Variants in ADAMTS19 observed in about 807,000 individuals in gnomAD.
ADAMTS19 encodes A disintegrin and metalloproteinase with thrombospondin motifs 19.
ADAMTS19 carries 93 observed loss-of-function variants against 153.3 expected under a neutral mutation model. The observed-to-expected ratio is 0.61, with a 90% CI of 0.51 to 0.72. ADAMTS19 has a LOEUF of 0.72. Ranked by LOEUF, ADAMTS19 falls within the 30% of genes least tolerant of loss-of-function variation. The probability of loss-of-function intolerance (pLI) is 0.00; values close to 1 mark genes in which losing one functional copy is unlikely to be tolerated. For missense variants in ADAMTS19, 1,482 were observed against 1,552.1 expected, an observed-to-expected ratio of 0.95 and a Z score of 0.76; for synonymous variants, 600 against 556.6, an observed-to-expected ratio of 1.08 and a Z score of -1.10.
intron 10 of ADAMTS19, among the ~76,000 whole-genome samples, chr5:129,625,585 G>A (rs185295179): frequency 3.7e-4 from 56 of 152,196 alleles, no homozygotes; most frequent in Admixed American, 3.5e-3. Flanking sequence ...TCATTTCTCT[G>A]ATGGCCAGTG....
intron 15 of ADAMTS19, among the ~76,000 whole-genome samples, chr5:129,661,083 C>A (rs561816938): frequency 5.4e-4 from 82 of 152,266 alleles, no homozygotes; most frequent in African/African-American, 1.9e-3. Context: ...AATATCATTT[C>A]TTTAATGAAG....
At chr5:129,658,309 AAAAG>A (rs150048700) in intron 14 of ADAMTS19, among the ~76,000 whole-genome samples, 14,677 of 113,176 alleles carry the variant, frequency 0.13, 1,058 homozygotes, top group Middle Eastern at 0.16. Context: ...GAAAGAAAGA[AAAAG>A]AAAGAAAGAA....
chr5:129,715,558 G>C (rs892064409), intron 21 of ADAMTS19, among the ~76,000 whole-genome samples: 6 of 152,180 alleles, frequency 3.9e-5, no homozygotes, highest in African/African-American at 2.4e-5. Flanking sequence ...TTGAGTTTGA[G>C]AATTTTTTAT....
At chr5:129,578,182 A>G (rs1390484673) in intron 7 of ADAMTS19, among the ~76,000 whole-genome samples, 6 of 55,446 alleles carry the variant, frequency 1.1e-4, no homozygotes, top group Non-Finnish European at 1.5e-4. Context: ...ACCTATATGC[A>G]TGTATATGTA....
chr5:129,660,742 A>G (rs1457312014), intron 15 of ADAMTS19, among the ~76,000 whole-genome samples: 1 of 152,192 alleles, frequency 6.6e-6, no homozygotes, highest in Non-Finnish European at 1.5e-5. Flanking sequence ...AAATATCAGA[A>G]GTGCCTAAGA....
At position 129,680,158 on chromosome 5, in the gene ADAMTS19, A is replaced by G. The variant is rs147687046; in HGVS notation, c.2664+237A>G. ...GGGAATTTACAGATGCAAAGTACAG[A>G]TGGATGACAGGGAATCCAAAGAAAA... On this transcript the variant is annotated intron_variant, in intron 17 of 22. Coordinates refer to ENST00000274487, the MANE Select transcript of ADAMTS19 (RefSeq NM_133638.6). Among the ~76,000 whole-genome samples, 187 of 152,348 alleles carry G rather than the reference A, an allele frequency of 1.2e-3. 1 individual carries two copies. The highest frequency in any genetic ancestry group is 4.1e-3 in the African/African-American group (172 of 41,584).
intron 16 of ADAMTS19, among the ~76,000 whole-genome samples, chr5:129,678,334 C>T (rs566452694): frequency 7.9e-5 from 12 of 152,222 alleles, no homozygotes; most frequent in Admixed American, 4.6e-4. Context: ...CTAATTTTCT[C>T]AGTAAATAAC....
chr5:129,607,833 T>G (rs1581138404), intron 8 of ADAMTS19, among the ~76,000 whole-genome samples: 1 of 151,414 alleles, frequency 6.6e-6, no homozygotes, highest in Admixed American at 6.6e-5. Flanking sequence ...TTCTGTTAAT[T>G]CACAACAGGT....
chr5:129,623,313 CCTT>C (rs1248622189), intron 10 of ADAMTS19, among the ~76,000 whole-genome samples: 1 of 152,102 alleles, frequency 6.6e-6, no homozygotes, highest in East Asian at 1.9e-4. Context: ...GCTCTAGTAA[CCTT>C]TTTTTTTCTT....
chr5:129,607,529 T>G (rs1269212700), intron 8 of ADAMTS19, among the ~76,000 whole-genome samples: 1 of 152,200 alleles, frequency 6.6e-6, no homozygotes, highest in African/African-American at 2.4e-5. Flanking sequence ...AGAATCAGTT[T>G]GGGTCAAGGA....
intron 2 of ADAMTS19, among the ~76,000 whole-genome samples, chr5:129,465,028 C>T (rs1749805645): frequency 6.6e-6 from 1 of 152,102 alleles, no homozygotes; most frequent in African/African-American, 2.4e-5. Context: ...CCTAACTTGC[C>T]AGTTACCAAT....
chr5:129,643,364 A>C (rs1752894695), intron 11 of ADAMTS19, among the ~76,000 whole-genome samples: 1 of 140,030 alleles, frequency 7.1e-6, no homozygotes, highest in Non-Finnish European at 1.5e-5. Context: ...CTTGTTTCAA[A>C]GACAAAAAAA....
At chr5:129,631,040 C>T (rs988605458) in intron 10 of ADAMTS19, among the ~76,000 whole-genome samples, 2 of 151,592 alleles carry the variant, frequency 1.3e-5, no homozygotes, top group Non-Finnish European at 2.9e-5. Context: ...TTTGCATATA[C>T]ATTGCAATGT....
intron 15 of ADAMTS19, among the ~76,000 whole-genome samples, chr5:129,660,812 C>A (rs1753785955): frequency 6.6e-6 from 1 of 152,104 alleles, no homozygotes; most frequent in South Asian, 2.1e-4. Flanking sequence ...ATGTTAATTT[C>A]ACATTGCTCA....
rs186986653 is a variant in ADAMTS19 at position 129,737,114 on chromosome 5, C to T, written c.3538C>T (p.Arg1180Ter). Residue 1180 changes from arginine (R) to a stop codon, truncating the protein, a stop_gained, in exon 23 of 23, where the codon CGA becomes TGA. Coordinates refer to ENST00000274487, the MANE Select transcript of ADAMTS19 (RefSeq NM_133638.6). LOFTEE classifies it high-confidence loss of function. Reference sequence around the variant, plus strand: ...GGGAGATCAGTGGCCAGTGTACTGCCGAGTGATACGTGAAAAGAACCTATG... The same window carrying T: ...GGGAGATCAGTGGCCAGTGTACTGCTGAGTGATACGTGAAAAGAACCTATG... ...CLGDQWPVYC[R>*]VIREKNLCQD... 5.0e-6 allele frequency: 8 copies of T among 1,610,638 alleles called. No individual in the cohort carries two copies. Among genetic ancestry groups the T allele is most frequent in the Middle Eastern group, 1.7e-4 (1 of 6,036 alleles).
chr5:129,534,114 C>T (rs1236901602), intron 6 of ADAMTS19, among the ~76,000 whole-genome samples: 1 of 152,046 alleles, frequency 6.6e-6, no homozygotes, highest in Non-Finnish European at 1.5e-5. Flanking sequence ...ATTAGGTCTG[C>T]TTGGTATAGA....
At chr5:129,720,178 T>A (rs1987802) in intron 21 of ADAMTS19, among the ~76,000 whole-genome samples, 72,229 of 139,842 alleles carry the variant, frequency 0.52, 19,389 homozygotes, top group Non-Finnish European at 0.61. Context: ...ATATTTATTT[T>A]TTTTTTTTTT....
At chr5:129,496,749 C>CA (rs1229817513) in intron 2 of ADAMTS19, among the ~76,000 whole-genome samples, 7 of 152,016 alleles carry the variant, frequency 4.6e-5, no homozygotes, top group East Asian at 1.9e-4. Flanking sequence ...TGAATGGCTC[C>CA]AAAAAATCAC....
rs2163742 is a variant in ADAMTS19 at position 129,733,134 on chromosome 5, C to A, written c.3313-1798C>A. Among the ~76,000 whole-genome samples, 361 of 152,196 alleles carry A rather than the reference C, an allele frequency of 2.4e-3. 2 individuals are homozygous for A. The highest frequency in any genetic ancestry group is 8.5e-3 in the African/African-American group (352 of 41,552). On this transcript the variant is annotated intron_variant, in intron 21 of 22. Transcript: ENST00000274487. Reference sequence around the variant, plus strand: ...CAGAACAATGAAACTGGACCCCTATCTCTCACCATATACAAAAATTTACTC... The same window carrying A: ...CAGAACAATGAAACTGGACCCCTATATCTCACCATATACAAAAATTTACTC...
Sources: allele counts gnomAD v4.1 joint callset (sites outside exome capture counted in the v4.1 genomes callset), GRCh38; gene constraint gnomAD v4.1.1; transcripts MANE v1.5; gene names NCBI Gene and HGNC (gene_info 2026-07-23, HGNC 2026-07-21).